USP13: variants seen among roughly 807,000 people sequenced by gnomAD.
The protein encoded by USP13 is ubiquitin specific peptidase 13, also known as ubiquitin carboxyl-terminal hydrolase 13.
USP13 carries 68 observed loss-of-function variants against 107.8 expected under a neutral mutation model. The observed-to-expected ratio is 0.63, with a 90% CI of 0.52 to 0.77. The LOEUF (loss-of-function observed/expected upper bound fraction) is 0.77. Among genes scored for constraint, USP13 ranks in the 30% least tolerant of loss-of-function variants. The probability of loss-of-function intolerance (pLI) is 0.00; values close to 1 mark genes in which losing one functional copy is unlikely to be tolerated. For synonymous variants in USP13, 377 were observed against 389.5 expected, an observed-to-expected ratio of 0.97 and a Z score of 0.38; for missense variants, 945 against 1,093.3, an observed-to-expected ratio of 0.86 and a Z score of 1.91.
intron 2 of USP13, among the ~76,000 whole-genome samples, chr3:179,689,989 C>A (rs1052110974): frequency 6.6e-6 from 1 of 152,152 alleles, no homozygotes; most frequent in African/African-American, 2.4e-5. Flanking sequence ...TCACCTTGAT[C>A]CCTGGTTTCC....
rs148209402 is a variant in USP13, at chr3:179,752,389, G to T, written c.1798+16G>T. 7.8e-4 allele frequency: 1,241 copies of T among 1,596,238 alleles called. 10 individuals are homozygous for T. In the African/African-American group the frequency reaches 0.015, roughly 19 times the overall value. On this transcript the variant is annotated intron_variant, in intron 14 of 20. Coordinates refer to ENST00000263966, the MANE Select transcript of USP13 (RefSeq NM_003940.3). Reference sequence around the variant, plus strand: ...AAAAAATTTGGTAGGTATCTTTTGCGTGCTTTTGCTTAAAACATCAAATGA... The same window carrying T: ...AAAAAATTTGGTAGGTATCTTTTGCTTGCTTTTGCTTAAAACATCAAATGA...
chr3:179,780,057 A>G (rs1715691094), intron 19 of USP13, among the ~76,000 whole-genome samples: 2 of 152,234 alleles, frequency 1.3e-5, no homozygotes, highest in Non-Finnish European at 2.9e-5. Context: ...ATGATCAGCA[A>G]ACTAGGAATG....
chr3:179,730,969 A>C (rs1038252127), intron 10 of USP13, among the ~76,000 whole-genome samples: 1 of 152,368 alleles, frequency 6.6e-6, no homozygotes. Flanking sequence ...AGTATTCTTT[A>C]TAAAATAGAG....
In USP13 at chr3:179,708,909, G is replaced by A; in HGVS notation, c.757G>A (p.Gly253Ser). 2 of 1,614,052 alleles carry A rather than the reference G, an allele frequency of 1.2e-6. No homozygotes were observed. Among genetic ancestry groups the A allele is most frequent in the East Asian group, 2.2e-5 (1 of 44,870 alleles). ...TGCGCTGGAGCATTACAGAGACATG[G>A]GCTACCCACTAGCCGTGAAACTGGG... ...GHALEHYRDM[G>S]YPLAVKLGTI... Residue 253 changes from glycine (G) to serine (S), a missense_variant, in exon 6 of 21, where the codon GGC (glycine) becomes AGC (serine). Gly to Ser is a moderately conservative substitution (Grantham distance 56). Coordinates refer to ENST00000263966, the MANE Select transcript of USP13 (RefSeq NM_003940.3).
At chr3:179,694,799 CAAAAAAAAAAAAAAAA>C (rs576517737) in intron 3 of USP13, among the ~76,000 whole-genome samples, 1 of 82,188 alleles carries the variant, frequency 1.2e-5, no homozygotes. Context: ...AACTCCATCT[CAAAAAAAAAAAAAAAA>C]AAAAAAAAGA....
chr3:179,759,977 A>C (rs1430150248), intron 16 of USP13, among the ~76,000 whole-genome samples: 1 of 152,030 alleles, frequency 6.6e-6, no homozygotes, highest in Non-Finnish European at 1.5e-5. Context: ...CACCTGGTAA[A>C]TGCATTTTCA....
intron 17 of USP13, among the ~76,000 whole-genome samples, chr3:179,763,237 CTT>C (rs1226002174): frequency 6.6e-6 from 1 of 151,962 alleles, no homozygotes; most frequent in Non-Finnish European, 1.5e-5. Flanking sequence ...TCCAATTTAT[CTT>C]TTTTTTCTTT....
chr3:179,712,183 G>A (rs907696246), intron 6 of USP13, among the ~76,000 whole-genome samples: 6 of 152,146 alleles, frequency 3.9e-5, no homozygotes, highest in African/African-American at 1.4e-4. Flanking sequence ...TATTCTTTGT[G>A]TATCTTTCGT....
At chr3:179,660,601 A>G (rs146048499) in intron 1 of USP13, among the ~76,000 whole-genome samples, 41 of 152,304 alleles carry the variant, frequency 2.7e-4, no homozygotes, top group Non-Finnish European at 5.4e-4. Flanking sequence ...TTGGTGTACA[A>G]GTATTTGTTT....
intron 13 of USP13, among the ~76,000 whole-genome samples, chr3:179,750,327 T>C (rs1287144198): frequency 2.1e-5 from 1 of 46,578 alleles, no homozygotes; most frequent in African/African-American, 1.1e-4. Context: ...TATATGTGTG[T>C]ATATATATAT....
chr3:179,774,029 A>G lies in USP13; in HGVS notation c.2414-7710A>G, dbSNP rs917864548. ...AAAAAAGGAGGTTTGTTTGGCTCAT[A>G]GCTCTTCAGAGTATACAAGAAGCAC... On this transcript the variant is annotated intron_variant, in intron 19 of 20. Transcript: ENST00000263966. Among the ~76,000 whole-genome samples the G allele has an allele frequency of 2.0e-5, 3 of 152,240 alleles. No homozygotes were observed. The South Asian group carries it at 6.2e-4, about 31-fold the overall frequency.
chr3:179,747,409 G>A (rs1044017878), intron 13 of USP13, among the ~76,000 whole-genome samples: 2 of 152,146 alleles, frequency 1.3e-5, no homozygotes, highest in South Asian at 2.1e-4. Context: ...TGGAAGCTTC[G>A]AAATCCCCAG....
chr3:179,714,572 C>T (rs563363014), intron 6 of USP13, among the ~76,000 whole-genome samples: 61 of 152,302 alleles, frequency 4.0e-4, no homozygotes, highest in African/African-American at 1.4e-3. Context: ...GTGCCTCACA[C>T]ATAGTAGGTG....
chr3:179,671,410 C>T (rs1720746435), intron 1 of USP13, among the ~76,000 whole-genome samples: 1 of 151,862 alleles, frequency 6.6e-6, no homozygotes, highest in South Asian at 2.1e-4. Flanking sequence ...AATCTATGTT[C>T]CTGAAGAGAA....
At chr3:179,702,130 C>T (rs1476793045) in intron 4 of USP13, among the ~76,000 whole-genome samples, 1 of 152,178 alleles carries the variant, frequency 6.6e-6, no homozygotes, top group African/African-American at 2.4e-5. Flanking sequence ...CGCCGTTCTC[C>T]TGCCTCAGCC....
At chr3:179,748,901 A>G (rs922214115) in intron 13 of USP13, among the ~76,000 whole-genome samples, 5 of 152,192 alleles carry the variant, frequency 3.3e-5, no homozygotes, top group African/African-American at 1.2e-4. Context: ...TGGGGATAAT[A>G]ATGGTACTTT....
chr3:179,754,854 G>A lies in USP13; in HGVS notation c.1921G>A (p.Asp641Asn). 1 of 1,607,808 alleles carries A rather than the reference G, an allele frequency of 6.2e-7. No individual in the cohort carries two copies. Among genetic ancestry groups the A allele is most frequent in the Non-Finnish European group, 8.5e-7 (1 of 1,177,424 alleles). ...CATAGTCATTCCTGATGACTCAAAAGGTACCATCTCCTGCCAGGAGAATAT... is the reference window on the plus strand; with the variant it reads ...CATAGTCATTCCTGATGACTCAAAAAGTACCATCTCCTGCCAGGAGAATAT... The part of the protein sequence containing the change: ...PPIVIPDDSK[D>N]RLMNQLIDPS... The change falls in exon 15 of 21, where the codon GAT becomes AAT. Residue 641 changes from aspartate (D) to asparagine (N), a missense_variant and splice_region_variant. Asp to Asn is a conservative substitution (Grantham distance 23). Coordinates refer to ENST00000263966, the MANE Select transcript of USP13 (RefSeq NM_003940.3).
In USP13 at chr3:179,692,908, C is replaced by T. The variant is rs76395309; in HGVS notation, c.355+2607C>T. On this transcript the variant is annotated intron_variant, in intron 3 of 20. Coordinates refer to ENST00000263966, the MANE Select transcript of USP13 (RefSeq NM_003940.3). ...TGTGGACCCCTTCCTTCCATTCTTC[C>T]GTAGGGGACTACCTACCATTTTGTT... 4.2e-3 allele frequency among the ~76,000 whole-genome samples: 640 copies of T among 152,206 alleles called. 4 individuals are homozygous for T. The highest frequency in any genetic ancestry group is 0.014 in the African/African-American group (597 of 41,526).
Position 179,757,470 on chromosome 3 carries a change from A to G in USP13, c.1948+392A>G, listed in dbSNP as rs931441831. Among the ~76,000 whole-genome samples the G allele has an allele frequency of 2.3e-4, 35 of 152,348 alleles. 1 individual carries two copies. The highest frequency in any genetic ancestry group is 5.0e-4 in the Non-Finnish European group (34 of 68,032). On this transcript the variant is annotated intron_variant, in intron 16 of 20. Transcript: ENST00000263966. ...TTTTTCCTATCCTGCTGTCAGACACATAATGAAGACACATAGCTGACAGGA... is the reference window on the plus strand; with the variant it reads ...TTTTTCCTATCCTGCTGTCAGACACGTAATGAAGACACATAGCTGACAGGA...
Sources: allele counts gnomAD v4.1 joint callset (sites outside exome capture counted in the v4.1 genomes callset), GRCh38; gene constraint gnomAD v4.1.1; transcripts MANE v1.5; gene names NCBI Gene and HGNC (gene_info 2026-07-23, HGNC 2026-07-21).